The following NR3C2 variants were observed in gnomAD, a reference collection of about 807,000 sequenced individuals.
NR3C2 encodes nuclear receptor subfamily 3 group C member 2, also known as mineralocorticoid receptor.
A neutral mutation model predicts 86.4 loss-of-function variants in NR3C2; 15 were observed. The observed-to-expected ratio is 0.17, with a 90% CI of 0.12 to 0.27. The LOEUF is 0.27. Among genes scored for constraint, NR3C2 ranks in the 10% least tolerant of loss-of-function variants. NR3C2 has a pLI of 1.00. For missense variants in NR3C2, 960 were observed against 1,195.6 expected, an observed-to-expected ratio of 0.80 and a Z score of 2.91; for synonymous variants, 458 against 450.5, an observed-to-expected ratio of 1.02 and a Z score of -0.21.
At chr4:148,378,485 G>C (rs901476868) in intron 2 of NR3C2, among the ~76,000 whole-genome samples, 1 of 152,240 alleles carries the variant, frequency 6.6e-6, no homozygotes. Context: ...GTGGGGCCTG[G>C]TGGGAGGTGA....
chr4:148,144,696 A>C (rs1210964867), intron 6 of NR3C2, among the ~76,000 whole-genome samples: 1 of 152,072 alleles, frequency 6.6e-6, no homozygotes, highest in African/African-American at 2.4e-5. Flanking sequence ...CTCCAGCCCC[A>C]TTGCCCCTTC....
chr4:148,343,328 CT>C (rs1166078446), intron 2 of NR3C2, among the ~76,000 whole-genome samples: 2 of 152,208 alleles, frequency 1.3e-5, no homozygotes, highest in Non-Finnish European at 2.9e-5. Context: ...GGGTTTAACC[CT>C]TTATTTTGGC....
intron 3 of NR3C2, among the ~76,000 whole-genome samples, chr4:148,258,683 T>C (rs1489064417): frequency 2.0e-5 from 3 of 152,184 alleles, no homozygotes; most frequent in Admixed American, 6.5e-5. Flanking sequence ...CTCAGCACCA[T>C]GAGAGAACGT....
intron 3 of NR3C2, among the ~76,000 whole-genome samples, chr4:148,242,279 C>T (rs1198637540): frequency 3.3e-5 from 5 of 152,106 alleles, no homozygotes; most frequent in Admixed American, 6.6e-5. Context: ...AAGGAGATGG[C>T]GGCATCTGTT....
intron 2 of NR3C2, among the ~76,000 whole-genome samples, chr4:148,270,306 A>T (rs908816775): frequency 1.3e-5 from 2 of 152,072 alleles, no homozygotes; most frequent in Non-Finnish European, 2.9e-5. Flanking sequence ...GCTGTGTGTG[A>T]CTGAGACACA....
chr4:148,209,212 C>G (rs1427141416), intron 3 of NR3C2, among the ~76,000 whole-genome samples: 4 of 150,812 alleles, frequency 2.7e-5, no homozygotes, highest in Non-Finnish European at 4.4e-5. Context: ...CGACTGCACT[C>G]CAGCCTGGGC....
chr4:148,439,892 G>C (rs1298002546), intron 1 of NR3C2, among the ~76,000 whole-genome samples: 5 of 152,288 alleles, frequency 3.3e-5, no homozygotes, highest in South Asian at 4.1e-4. Flanking sequence ...TAAAGCCCTG[G>C]ACAAGGTAGC....
chr4:148,088,872 T>TA (rs1404104226), intron 8 of NR3C2, among the ~76,000 whole-genome samples: 1 of 152,196 alleles, frequency 6.6e-6, no homozygotes, highest in Non-Finnish European at 1.5e-5. Context: ...AGAGCACTGC[T>TA]ATTCCATTTA....
Position 148,435,601 on chromosome 4 carries a change from A to T in NR3C2, c.1260T>A (p.Asp420Glu). The T allele has an allele frequency of 6.2e-7, 1 of 1,614,170 alleles. No homozygotes were observed. Among genetic ancestry groups the T allele is most frequent in the South Asian group, 1.1e-5 (1 of 91,082 alleles). ...GCTTTATTGGTACTGAGAATGAAGAATCCGAATTTATTTTGCTATTTCCTC... is the reference window on the plus strand; with the variant it reads ...GCTTTATTGGTACTGAGAATGAAGATTCCGAATTTATTTTGCTATTTCCTC... Reference protein sequence around the residue: ...CLGGNSKINSDSSFSVPIKQE... With the variant: ...CLGGNSKINSESSFSVPIKQE... The change falls in exon 2 of 9, where the codon GAT becomes GAA. Residue 420 changes from aspartate (D) to glutamate (E), a missense_variant. Asp to Glu is a conservative substitution (Grantham distance 45). Coordinates refer to ENST00000358102, the MANE Select transcript of NR3C2 (RefSeq NM_000901.5).
At chr4:148,347,431 C>A (rs893894327) in intron 2 of NR3C2, among the ~76,000 whole-genome samples, 2 of 152,072 alleles carry the variant, frequency 1.3e-5, no homozygotes, top group Non-Finnish European at 2.9e-5. Context: ...TCTCCTTTCA[C>A]CCCTTCTATT....
intron 2 of NR3C2, among the ~76,000 whole-genome samples, chr4:148,335,954 G>C (rs972663095): frequency 6.6e-6 from 1 of 152,132 alleles, no homozygotes; most frequent in Admixed American, 6.5e-5. Flanking sequence ...CAAAACCACA[G>C]TATACTATGC....
intron 2 of NR3C2, among the ~76,000 whole-genome samples, chr4:148,405,445 T>G (rs6834935): frequency 0.095 from 14,455 of 152,232 alleles, 746 homozygotes; most frequent in Middle Eastern, 0.12. Context: ...ATATCCACAC[T>G]ACACTTGTAG....
rs1329115916 is a variant in NR3C2, at chr4:148,399,311, T to A, written c.1757+35793A>T. ...AATGGCAACATAATATTCCACTGAA[T>A]ACTGTCATAATTTACTATATTATCA... is the stretch of plus-strand genomic sequence containing the variant. On this transcript the variant is annotated intron_variant, in intron 2 of 8. Transcript: ENST00000358102. 2.6e-5 allele frequency among the ~76,000 whole-genome samples: 4 copies of A among 152,284 alleles called. No individual in the cohort carries two copies. In the Middle Eastern group the frequency reaches 0.01, roughly 388 times the overall value.
intron 3 of NR3C2, among the ~76,000 whole-genome samples, chr4:148,258,598 G>A (rs949796893): frequency 1.1e-4 from 17 of 152,324 alleles, no homozygotes; most frequent in Admixed American, 3.3e-4. Context: ...TTCAATCTGA[G>A]GAGATTCCAC....
intron 3 of NR3C2, among the ~76,000 whole-genome samples, chr4:148,198,898 G>A (rs1362396492): frequency 2.0e-5 from 3 of 151,440 alleles, no homozygotes; most frequent in Non-Finnish European, 4.4e-5. Context: ...GGCTAACACG[G>A]TGACACCCCA....
intron 2 of NR3C2, among the ~76,000 whole-genome samples, chr4:148,404,404 C>T (rs1156650585): frequency 6.6e-6 from 1 of 151,998 alleles, no homozygotes; most frequent in Non-Finnish European, 1.5e-5. Flanking sequence ...CACTAATAGT[C>T]AAAATTTTGT....
intron 4 of NR3C2, among the ~76,000 whole-genome samples, chr4:148,160,381 CT>C (rs59876449): frequency 0.74 from 111,972 of 151,766 alleles, 41,320 homozygotes; most frequent in African/African-American, 0.78. Context: ...GCAAGATTTC[CT>C]TTTTTTGCTT....
At chr4:148,224,859 T>A (rs2149831895) in intron 3 of NR3C2, among the ~76,000 whole-genome samples, 1 of 152,310 alleles carries the variant, frequency 6.6e-6, no homozygotes, top group Non-Finnish European at 1.5e-5. Context: ...TTAACAAATG[T>A]TTATTTTCCT....
intron 4 of NR3C2, among the ~76,000 whole-genome samples, chr4:148,159,963 T>C (rs147187904): frequency 2.6e-4 from 40 of 152,292 alleles, no homozygotes; most frequent in African/African-American, 9.6e-4. Context: ...ATTTTCTCCA[T>C]TGCCAGCAAC....
Sources: allele counts gnomAD v4.1 joint callset (sites outside exome capture counted in the v4.1 genomes callset), GRCh38; gene constraint gnomAD v4.1.1; transcripts MANE v1.5; gene names NCBI Gene and HGNC (gene_info 2026-07-23, HGNC 2026-07-21).